The following EPC1 variants were observed in gnomAD, a reference collection of about 807,000 sequenced individuals.
EPC1 encodes the protein enhancer of polycomb 1, also known as enhancer of polycomb homolog 1.
In EPC1, 12 loss-of-function variants were observed where a neutral mutation model predicts 98.4. The observed-to-expected ratio is 0.12, with a 90% confidence interval of 0.08 to 0.20. EPC1 has a LOEUF of 0.20. EPC1 is among the 10% of genes least tolerant of loss of function. EPC1 has a pLI of 1.00. For synonymous variants in EPC1, 357 were observed against 363.9 expected (o/e 0.98, Z 0.21); for missense variants, 729 against 990.5 (o/e 0.74, Z 3.54).
At position 32,277,356 on chromosome 10, in the gene EPC1, C is replaced by T. The variant is rs564847727; in HGVS notation, c.1745-4075G>A. 2.6e-5 allele frequency among the ~76,000 whole-genome samples: 4 copies of T among 152,266 alleles called. No individual in the cohort carries two copies. The South Asian group carries it at 8.3e-4, about 32-fold the overall frequency. On this transcript the variant is annotated intron_variant, in intron 10 of 13. Transcript: ENST00000319778. ...ATGCTGAAGGGGGAGCAAACTCACT[C>T]GGTATGCTTCCATGAGCAAACCAGG...
At chr10:32,286,486 A>T in intron 9 of EPC1, 1 of 560,866 alleles carries the variant, frequency 1.8e-6, no homozygotes, top group Non-Finnish European at 3.0e-6. Context: ...AAGCAGGTCC[A>T]CTAGGGACCC....
At chr10:32,354,020 G>C (rs117755507) in intron 1 of EPC1, among the ~76,000 whole-genome samples, 2,357 of 152,186 alleles carry the variant, frequency 0.015, 21 homozygotes, top group Non-Finnish European at 0.024. Context: ...ATTTACTAAG[G>C]TGTCACAGAA....
chr10:32,268,439 C>CTTTTTTTTTT lies in EPC1; in HGVS notation c.*614_*623dup, dbSNP rs59836590. On this transcript the variant is annotated 3_prime_UTR_variant, in exon 14 of 14. Coordinates refer to ENST00000319778, the MANE Select transcript of EPC1 (RefSeq NM_001272004.3). The stretch of plus-strand genomic sequence containing the variant: ...TCCCCATTTTTAAAAAAACTGATGC[C>CTTTTTTTTTT]TTTTTTTTTTTTTTTTTTTTTGTAA... 1 of 111,926 alleles carries CTTTTTTTTTT rather than the reference C, an allele frequency of 8.9e-6. No individual in the cohort carries two copies. The highest frequency in any genetic ancestry group is 3.5e-5 in the African/African-American group (1 of 28,818). The allele number at this position is 111,926 out of a possible 1,614,324, so 6.9% of individuals were successfully genotyped here. A position where few individuals can be genotyped will look rare whatever the true frequency, so the allele number is the denominator to read the frequency against.
rs73245687 is a variant in EPC1, at chr10:32,305,725, A to G, written c.313+47T>C. 0.011 allele frequency: 16,088 copies of G among 1,470,366 alleles called. 1,268 individuals are homozygous for G. In the African/African-American group the frequency reaches 0.19, roughly 17 times the overall value. The allele number at this position is 1,470,366 out of a possible 1,614,324, so 91.1% of individuals were successfully genotyped here. A position where few individuals can be genotyped will look rare whatever the true frequency, so the allele number is the denominator to read the frequency against. ...AGATAAAAATCTGTCAAGTTACATA[A>G]TAAGAGAAATATAGAAAATACAATC... On this transcript the variant is annotated intron_variant, in intron 2 of 13. Coordinates refer to ENST00000319778, the MANE Select transcript of EPC1 (RefSeq NM_001272004.3).
chr10:32,272,278 C>T, intron 11 of EPC1, 111 bp from the exon 12 acceptor site: 1 of 844,522 alleles, frequency 1.2e-6, no homozygotes. Context: ...AATGGCAAAC[C>T]ACTGAAATCT....
At chr10:32,348,081 C>T (rs1838973119), upstream of EPC1, among the ~76,000 whole-genome samples, 1 of 152,222 alleles carries the variant, frequency 6.6e-6, no homozygotes, top group South Asian at 2.1e-4. Flanking sequence ...ACTGCGGCTT[C>T]ATCATAGCCG....
upstream of EPC1, among the ~76,000 whole-genome samples, chr10:32,351,246 G>A (rs139486984): frequency 1.3e-5 from 2 of 152,178 alleles, no homozygotes; most frequent in African/African-American, 2.4e-5. Flanking sequence ...CCAAATTTTC[G>A]AGTGTTTGGT....
At chr10:32,353,782 C>T (rs1379287836) in intron 1 of EPC1, among the ~76,000 whole-genome samples, 1 of 152,224 alleles carries the variant, frequency 6.6e-6, no homozygotes, top group African/African-American at 2.4e-5. Context: ...TTAAAGCATT[C>T]TGCAAAAGTA....
Position 32,268,832 on chromosome 10 carries a change from A to T in EPC1, c.*231T>A, listed in dbSNP as rs1835700273. 3.9e-6 allele frequency: 1 copy of T among 253,874 alleles called. No individual in the cohort carries two copies. The highest frequency in any genetic ancestry group is 2.3e-5 in the African/African-American group (1 of 43,168). The allele number at this position is 253,874 out of a possible 1,614,324, so 15.7% of individuals were successfully genotyped here. A position where few individuals can be genotyped will look rare whatever the true frequency, so the allele number is the denominator to read the frequency against. On this transcript the variant is annotated 3_prime_UTR_variant, in exon 14 of 14. Coordinates refer to ENST00000319778, the MANE Select transcript of EPC1 (RefSeq NM_001272004.3). ...TAACATATATACAAGGGTATTACAA[A>T]TATGCAGTACTGTACAGATAATTGC...
chr10:32,361,029 T>C (rs1839429863), intron 1 of EPC1, among the ~76,000 whole-genome samples: 1 of 152,216 alleles, frequency 6.6e-6, no homozygotes, highest in African/African-American at 2.4e-5. Flanking sequence ...AAGGGAGCAC[T>C]CTCCAAGGCA....
At chr10:32,346,636 G>C in intron 1 of EPC1, 127 bp downstream of exon 1, 6 of 974,846 alleles carry the variant, frequency 6.2e-6, no homozygotes, top group Non-Finnish European at 9.2e-6. Flanking sequence ...AGGCCCGGCC[G>C]GCGACTGAGA....
At chr10:32,339,547 A>C (rs757273161) in intron 1 of EPC1, among the ~76,000 whole-genome samples, 5 of 152,190 alleles carry the variant, frequency 3.3e-5, no homozygotes, top group Non-Finnish European at 7.3e-5. Flanking sequence ...CTCTCTCAAT[A>C]GTAATAATAA....
chr10:32,344,152 A>T (rs57093558), intron 1 of EPC1, among the ~76,000 whole-genome samples: 5,202 of 152,338 alleles, frequency 0.034, 283 homozygotes, highest in African/African-American at 0.12. Flanking sequence ...TTTTCTATGG[A>T]GAATCCAGAA....
At position 32,324,009 on chromosome 10, in the gene EPC1, C is replaced by G. The variant is rs532260522; in HGVS notation, c.154-18078G>C. On this transcript the variant is annotated intron_variant, in intron 1 of 13. Coordinates refer to ENST00000319778, the MANE Select transcript of EPC1 (RefSeq NM_001272004.3). ...GGAGAGCAGTGGCGCGATCTCGGCT[C>G]ACTGCAAGCTCCGCCTCCTAGGTTC... Among the ~76,000 whole-genome samples, 41 of 152,218 alleles carry G rather than the reference C, an allele frequency of 2.7e-4. No homozygotes were observed. In the East Asian group the frequency reaches 7.4e-3, roughly 27 times the overall value.
intron 1 of EPC1, 31 bp from the exon 2 acceptor site, chr10:32,305,962 G>T: frequency 6.3e-7 from 1 of 1,575,834 alleles, no homozygotes; most frequent in South Asian, 1.2e-5. Context: ...GTAAGTTCAT[G>T]TATTTTTAAA....
chr10:32,295,890 T>C (rs946792331), intron 2 of EPC1, among the ~76,000 whole-genome samples: 2 of 152,034 alleles, frequency 1.3e-5, no homozygotes, highest in African/African-American at 4.8e-5. Flanking sequence ...GAAAGCCAAA[T>C]TGATAGGGAC....
chr10:32,303,807 A>T (rs1053226190), intron 2 of EPC1, among the ~76,000 whole-genome samples: 28 of 152,236 alleles, frequency 1.8e-4, no homozygotes, highest in African/African-American at 6.8e-4. Context: ...AACTGGTGAA[A>T]TCTGCGTAAA....
intron 2 of EPC1, among the ~76,000 whole-genome samples, chr10:32,297,836 C>T (rs1221483118): frequency 2.6e-5 from 4 of 151,494 alleles, no homozygotes; most frequent in Admixed American, 2.0e-4. Context: ...CTCGCTCTGT[C>T]GCCCAGGCTG....
chr10:32,325,109 C>T (rs938333652), intron 1 of EPC1, among the ~76,000 whole-genome samples: 1 of 152,202 alleles, frequency 6.6e-6, no homozygotes. Context: ...ATAATCAATT[C>T]TCACTGTAGA....
Sources: allele counts gnomAD v4.1 joint callset (sites outside exome capture counted in the v4.1 genomes callset), GRCh38; gene constraint gnomAD v4.1.1; transcripts MANE v1.5; gene names NCBI Gene and HGNC (gene_info 2026-07-23, HGNC 2026-07-21).